Variants in ZBTB46 observed in about 807,000 individuals in gnomAD.
The protein encoded by ZBTB46 is zinc finger and BTB domain-containing protein 46.
In ZBTB46, 8 loss-of-function variants were observed where a neutral mutation model predicts 44.1. That is an observed-to-expected ratio of 0.18 (90% confidence interval 0.11 to 0.33). The LOEUF (loss-of-function observed/expected upper bound fraction) is 0.33. Ranked by LOEUF, ZBTB46 falls within the 10% of genes least tolerant of loss-of-function variation. The probability of loss-of-function intolerance (pLI) is 1.00; values close to 1 mark genes in which losing one functional copy is unlikely to be tolerated. For synonymous variants in ZBTB46, 409 were observed against 382.3 expected, an observed-to-expected ratio of 1.07 and a Z score of -0.81; for missense variants, 651 against 847.7, an observed-to-expected ratio of 0.77 and a Z score of 2.88.
At position 63,821,041 on chromosome 20, in the gene ZBTB46, C is replaced by G. The variant is rs1300727535; in HGVS notation, c.-34+10056G>C. On this transcript the variant is annotated intron_variant, in intron 1 of 4. Transcript: ENST00000245663. ...CCAAGTAGCTGGGATTACAGGCATG[C>G]GCCATCACGCCCAGCTAATTTTTGT... 2.0e-5 allele frequency among the ~76,000 whole-genome samples: 3 copies of G among 151,734 alleles called. No homozygotes were observed. The South Asian group carries it at 6.3e-4, about 32-fold the overall frequency.
At chr20:63,820,105 TTTG>T (rs2092782882) in intron 1 of ZBTB46, among the ~76,000 whole-genome samples, 1 of 150,472 alleles carries the variant, frequency 6.6e-6, no homozygotes, top group African/African-American at 2.5e-5. Context: ...CACTTTTTTT[TTTG>T]TTTGAGACGA....
chr20:63,808,992 A>AAAG (rs2092701473), intron 1 of ZBTB46, among the ~76,000 whole-genome samples: 1 of 147,254 alleles, frequency 6.8e-6, no homozygotes. Flanking sequence ...AAAAAAAAAA[A>AAAG]AAAAAAAGAA....
At chr20:63,800,225 G>A (rs1008419247) in intron 1 of ZBTB46, among the ~76,000 whole-genome samples, 1 of 152,218 alleles carries the variant, frequency 6.6e-6, no homozygotes, top group Non-Finnish European at 1.5e-5. Flanking sequence ...CCACAGTTAC[G>A]CTGAGTAAGA....
chr20:63,764,676 C>G (rs1345207570), intron 3 of ZBTB46, among the ~76,000 whole-genome samples: 2 of 151,062 alleles, frequency 1.3e-5, no homozygotes, highest in Non-Finnish European at 2.9e-5. Context: ...GATCTCAGCT[C>G]ACCGCATCCT....
intron 1 of ZBTB46, among the ~76,000 whole-genome samples, chr20:63,799,563 G>A (rs1402294789): frequency 6.6e-6 from 1 of 151,990 alleles, no homozygotes; most frequent in Non-Finnish European, 1.5e-5. Context: ...GGCCAGGCTG[G>A]TCTCGAGCTC....
chr20:63,821,983 C>G (rs897367924), intron 1 of ZBTB46, among the ~76,000 whole-genome samples: 4 of 152,186 alleles, frequency 2.6e-5, no homozygotes, highest in African/African-American at 9.7e-5. Context: ...AGCACTTACT[C>G]ACCAGAAAAA....
At chr20:63,816,121 G>GGTGGGCACAGGTGCA (rs2092755644) in intron 1 of ZBTB46, among the ~76,000 whole-genome samples, 3 of 147,318 alleles carry the variant, frequency 2.0e-5, no homozygotes, top group African/African-American at 7.6e-5. Flanking sequence ...AGTGGGCGCA[G>GGTGGGCACAGGTGCA]GTGGGCGCAG....
chr20:63,777,923 TGAA>T (rs2092438776), intron 2 of ZBTB46, among the ~76,000 whole-genome samples: 3 of 151,904 alleles, frequency 2.0e-5, no homozygotes, highest in Non-Finnish European at 1.5e-5. Context: ...AACTGCTGAG[TGAA>T]CAAAGCCAGA....
At chr20:63,806,954 T>C (rs2146009066) in intron 1 of ZBTB46, among the ~76,000 whole-genome samples, 1 of 152,272 alleles carries the variant, frequency 6.6e-6, no homozygotes, top group Middle Eastern at 3.4e-3. Context: ...GGCTAATTTT[T>C]TGTATTTTTA....
At chr20:63,749,189 T>C (rs12625413) in intron 4 of ZBTB46, among the ~76,000 whole-genome samples, 55,446 of 152,104 alleles carry the variant, frequency 0.36, 10,286 homozygotes, top group Admixed American at 0.4. Context: ...TCCAGGGATG[T>C]GAGACCTTCA....
At chr20:63,816,953 A>G (rs2092762289) in intron 1 of ZBTB46, among the ~76,000 whole-genome samples, 1 of 151,980 alleles carries the variant, frequency 6.6e-6, no homozygotes, top group Admixed American at 6.6e-5. Flanking sequence ...AAAAATACGA[A>G]ACTAGCCGGG....
intron 1 of ZBTB46, among the ~76,000 whole-genome samples, chr20:63,813,456 A>ATAAAT (rs1555855875): frequency 6.6e-6 from 1 of 151,140 alleles, no homozygotes; most frequent in African/African-American, 2.4e-5. Context: ...TCAAAAAAAA[A>ATAAAT]AAATAAATAA....
chr20:63,812,023 C>T (rs2092720398), intron 1 of ZBTB46, among the ~76,000 whole-genome samples: 1 of 152,150 alleles, frequency 6.6e-6, no homozygotes, highest in South Asian at 2.1e-4. Context: ...TGAAACAAGG[C>T]TTTAGTGCTG....
chr20:63,758,838 T>C (rs2092248792), intron 3 of ZBTB46, among the ~76,000 whole-genome samples: 1 of 151,820 alleles, frequency 6.6e-6, no homozygotes, highest in Non-Finnish European at 1.5e-5. Context: ...TTCACGCCAT[T>C]CTCCTGCCTC....
intron 1 of ZBTB46, among the ~76,000 whole-genome samples, chr20:63,813,881 C>G (rs759350661): frequency 6.6e-6 from 1 of 152,184 alleles, no homozygotes; most frequent in South Asian, 2.1e-4. Flanking sequence ...GCGTGTGAGC[C>G]ACACACAACG....
chr20:63,820,023 C>T (rs2092782304), intron 1 of ZBTB46, among the ~76,000 whole-genome samples: 1 of 152,220 alleles, frequency 6.6e-6, no homozygotes, highest in Non-Finnish European at 1.5e-5. Flanking sequence ...AACATGCAAA[C>T]TCCCAGTGTA....
intron 2 of ZBTB46, among the ~76,000 whole-genome samples, chr20:63,780,365 G>A (rs2145885290): frequency 6.6e-6 from 1 of 152,142 alleles, no homozygotes; most frequent in Admixed American, 6.5e-5. Context: ...AGGTTTCTTA[G>A]CAAGCAGCAC....
chr20:63,770,973 AGCC>A (rs2092364751), intron 3 of ZBTB46, among the ~76,000 whole-genome samples: 1 of 92,752 alleles, frequency 1.1e-5, no homozygotes, highest in African/African-American at 4.8e-5. Flanking sequence ...CCGGCACAGC[AGCC>A]ACGCCGCTCG....
At chr20:63,789,006 C>G (rs555505389) in intron 2 of ZBTB46, among the ~76,000 whole-genome samples, 1 of 151,256 alleles carries the variant, frequency 6.6e-6, no homozygotes, top group Non-Finnish European at 1.5e-5. Flanking sequence ...TTAGTAGAGA[C>G]GGGGTTCTCC....
Sources: gnomAD v4.1 joint callset for allele counts (sites outside exome capture counted in the v4.1 genomes callset) on GRCh38, gnomAD v4.1.1 for gene constraint, MANE v1.5 for transcripts, NCBI Gene and HGNC (gene_info 2026-07-23, HGNC 2026-07-21) for gene names.